Variants in EVI5L observed in about 807,000 individuals in gnomAD.
EVI5L encodes the protein ecotropic viral integration site 5 like.
Under a neutral mutation model 106.1 loss-of-function variants are expected in EVI5L, and 30 were observed. That is an observed-to-expected ratio of 0.28 (90% CI 0.21 to 0.38). The LOEUF is 0.38. EVI5L is among the 10% of genes least tolerant of loss of function. EVI5L has a pLI of 1.00. For synonymous variants in EVI5L, 489 were observed against 483.3 expected (o/e 1.01, Z -0.15); for missense variants, 809 against 1,098.0 (o/e 0.74, Z 3.72).
rs1181664571 is a variant in EVI5L, at chr19:7,856,861, C to T, written c.1201-231C>T. 5.8e-6 allele frequency: 4 copies of T among 691,442 alleles called. No individual in the cohort carries two copies. The African/African-American group carries it at 7.0e-5, about 12-fold the overall frequency. 42.8% of individuals were successfully genotyped at this position (691,442 alleles called of 1,614,324 possible). A position where few individuals can be genotyped will look rare whatever the true frequency, so the allele number is the denominator to read the frequency against. ...CCTCCCCCACAGCCGCGGGCACCCCCGACCTCCCCGCTCACACCGAACCCC... is the reference window on the plus strand; with the variant it reads ...CCTCCCCCACAGCCGCGGGCACCCCTGACCTCCCCGCTCACACCGAACCCC... On this transcript the variant is annotated intron_variant, in intron 11 of 19. Coordinates refer to ENST00000538904, the MANE Select transcript of EVI5L (RefSeq NM_001159944.3). This position sits in a 1 kb window ranked among gnomAD's most constrained non-coding sequence, Gnocchi z 6.6.
chr19:7,856,115 C>T lies in EVI5L; in HGVS notation c.1200+47C>T. The T allele has an allele frequency of 7.6e-7, 1 of 1,313,070 alleles. No individual in the cohort carries two copies. The highest frequency in any genetic ancestry group is 9.8e-7 in the Non-Finnish European group (1 of 1,020,414). 81.3% of individuals were successfully genotyped at this position (1,313,070 alleles called of 1,614,324 possible). ...AGGACATGGTCGCCATGGGGTGTGA[C>T]CCACCATGCGGGGCATGGCCGCTAA... On this transcript the variant is annotated intron_variant, in intron 11 of 19. Transcript: ENST00000538904. This position sits in a 1 kb window ranked among gnomAD's most constrained non-coding sequence, Gnocchi z 6.6.
intron 1 of EVI5L, among the ~76,000 whole-genome samples, chr19:7,838,133 G>A (rs1042352291): frequency 6.6e-6 from 1 of 151,282 alleles, no homozygotes; most frequent in African/African-American, 2.4e-5. Context: ...TTTTGAGACG[G>A]AGTCTCGCTC....
chr19:7,843,277 GGT>G (rs530397864), intron 1 of EVI5L, among the ~76,000 whole-genome samples: 84 of 144,162 alleles, frequency 5.8e-4, no homozygotes, highest in East Asian at 3.7e-3. Context: ...AATAGGCATG[GGT>G]GTGTGTGTCA....
Position 7,863,093 on chromosome 19 carries a change from G to A in EVI5L, c.2043+26G>A, listed in dbSNP as rs755701242. ...GTGATCGGCGGGGCCGGGGTCGGGG[G>A]GCGGGGGCGGGGGCAGGGCCCGGGG... On this transcript the variant is annotated intron_variant, in intron 18 of 19. Coordinates refer to ENST00000538904, the MANE Select transcript of EVI5L (RefSeq NM_001159944.3). The surrounding 1 kb of genome is among the most constrained non-coding windows in gnomAD (Gnocchi z 7.7). 1.4e-5 allele frequency: 11 copies of A among 762,278 alleles called. No homozygotes were observed. Among genetic ancestry groups the A allele is most frequent in the South Asian group, 3.1e-5 (2 of 64,922 alleles). The allele number at this position is 762,278 out of a possible 1,614,324, so 47.2% of individuals were successfully genotyped here.
chr19:7,851,382 C>CCG (rs1555693334), intron 6 of EVI5L, 52 bp from the exon 7 acceptor site: 1 of 1,576,550 alleles, frequency 6.3e-7, no homozygotes, highest in Non-Finnish European at 8.6e-7. Flanking sequence ...CAGCACCCCC[C>CCG]GGTGGGAGGG....
At chr19:7,843,578 A>C (rs1478008664) in intron 1 of EVI5L, among the ~76,000 whole-genome samples, 1 of 94,324 alleles carries the variant, frequency 1.1e-5, no homozygotes, top group African/African-American at 3.8e-5. Flanking sequence ...GAGTGTGAGA[A>C]TAGGCATGGG....
chr19:7,842,195 TGTG>T (rs1978634931), intron 1 of EVI5L, among the ~76,000 whole-genome samples: 1 of 66,882 alleles, frequency 1.5e-5, no homozygotes, highest in Admixed American at 1.9e-4. Flanking sequence ...GTGTGTGTGT[TGTG>T]TGTGCATGTA....
In EVI5L at chr19:7,863,287, C is replaced by G. The variant is rs778765993; in HGVS notation, c.2139+7C>G. The G allele has an allele frequency of 1.9e-6, 3 of 1,553,148 alleles. No individual in the cohort carries two copies. The African/African-American group carries it at 4.1e-5, about 21-fold the overall frequency. ...CGAGGAGCTGAAGGCCGAGGTGAGC[C>G]GGCGCGGGGATGCCGGGGACAGGCC... On this transcript the variant is annotated splice_region_variant and intron_variant, in intron 19 of 19. Coordinates refer to ENST00000538904, the MANE Select transcript of EVI5L (RefSeq NM_001159944.3). The surrounding 1 kb of genome is among the most constrained non-coding windows in gnomAD (Gnocchi z 7.7).
In EVI5L at chr19:7,863,667, C is replaced by T. The variant is rs1345803488; in HGVS notation, c.2383C>T (p.Leu795=). 3.9e-6 allele frequency: 6 copies of T among 1,531,292 alleles called. No homozygotes were observed. The highest frequency in any genetic ancestry group is 1.2e-5 in the South Asian group (1 of 82,812). 94.9% of individuals were successfully genotyped at this position (1,531,292 alleles called of 1,614,324 possible). ...CAGCTCAGACAGCGACGCCGATGAG[C>T]TGGCCGCGCCCTACAGCCAGGGTCT... ...EGSSDSDADE[L]AAPYSQGLDN Residue 795 remains leucine, a synonymous_variant, in exon 20 of 20, where the codon CTG becomes TTG. Coordinates refer to ENST00000538904, the MANE Select transcript of EVI5L (RefSeq NM_001159944.3). This position sits in a 1 kb window ranked among gnomAD's most constrained non-coding sequence, Gnocchi z 7.7.
At chr19:7,838,839 C>T (rs1370089327) in intron 1 of EVI5L, among the ~76,000 whole-genome samples, 3 of 151,884 alleles carry the variant, frequency 2.0e-5, no homozygotes. Flanking sequence ...GAAGTTTTCA[C>T]AGAAAGAATG....
At position 7,864,673 on chromosome 19, in the gene EVI5L, C is replaced by G. The variant is rs1980035429; in HGVS notation, c.*971C>G. On this transcript the variant is annotated 3_prime_UTR_variant, in exon 20 of 20. Coordinates refer to ENST00000538904, the MANE Select transcript of EVI5L (RefSeq NM_001159944.3). This position sits in a 1 kb window ranked among gnomAD's most constrained non-coding sequence, Gnocchi z 4.5. Reference sequence around the variant, plus strand: ...AAAATCCAACGATGCCCCCCAGGCCCCTTCCTCCCTTCCCCCGGCCCCCCG... The same window carrying G: ...AAAATCCAACGATGCCCCCCAGGCCGCTTCCTCCCTTCCCCCGGCCCCCCG... 6.6e-6 allele frequency: 1 copy of G among 152,316 alleles called. No homozygotes were observed. The highest frequency in any genetic ancestry group is 6.5e-5 in the Admixed American group (1 of 15,282). 9.4% of individuals were successfully genotyped at this position (152,316 alleles called of 1,614,324 possible).
Position 7,858,964 on chromosome 19 carries a change from G to A in EVI5L, c.1374+633G>A, listed in dbSNP as rs901525647. On this transcript the variant is annotated intron_variant, in intron 13 of 19. Transcript: ENST00000538904. The surrounding 1 kb of genome is among the most constrained non-coding windows in gnomAD (Gnocchi z 5.7). ...TCAGCACTTTGGGAGGCTGAGGCAGGTGGATCACCTGAGGTTAGGAGTTCG... is the reference window on the plus strand; with the variant it reads ...TCAGCACTTTGGGAGGCTGAGGCAGATGGATCACCTGAGGTTAGGAGTTCG... The A allele has an allele frequency of 6.6e-6, 1 of 152,308 alleles. No individual in the cohort carries two copies. The highest frequency in any genetic ancestry group is 1.5e-5 in the Non-Finnish European group (1 of 68,128). 9.4% of individuals were successfully genotyped at this position (152,308 alleles called of 1,614,324 possible). A position where few individuals can be genotyped will look rare whatever the true frequency, so the allele number is the denominator to read the frequency against.
intron 10 of EVI5L, 193 bp downstream of exon 10, chr19:7,853,526 C>G (rs1309905808): frequency 2.8e-6 from 2 of 709,104 alleles, no homozygotes; most frequent in Non-Finnish European, 4.6e-6. Flanking sequence ...CCTCCCCCGC[C>G]TGACGCCGCG....
chr19:7,846,794 C>T, intron 2 of EVI5L, 115 bp downstream of exon 2: 1 of 1,366,040 alleles, frequency 7.3e-7, no homozygotes, highest in Non-Finnish European at 9.8e-7. Flanking sequence ...ATGTGACAGC[C>T]ACCTCCAGAT....
chr19:7,851,953 C>G (rs953312882), intron 8 of EVI5L, among the ~76,000 whole-genome samples, 183 bp downstream of exon 8: 1 of 152,118 alleles, frequency 6.6e-6, no homozygotes, highest in African/African-American at 2.4e-5. Flanking sequence ...AGAGGACCCC[C>G]TAGGCTCTGC....
rs1001948068 is a variant in EVI5L at position 7,835,628 on chromosome 19, A to G, written c.-48+5247A>G. Reference sequence around the variant, plus strand: ...GGATAACAACCTACATTCCAAGGCCAGGGATATGGAAACTTCCAGAACCAT... The same window carrying G: ...GGATAACAACCTACATTCCAAGGCCGGGGATATGGAAACTTCCAGAACCAT... On this transcript the variant is annotated intron_variant, in intron 1 of 19. Transcript: ENST00000538904. This position sits in a 1 kb window ranked among gnomAD's most constrained non-coding sequence, Gnocchi z 4.1. Among the ~76,000 whole-genome samples, 1 of 152,230 alleles carries G rather than the reference A, an allele frequency of 6.6e-6. No individual in the cohort carries two copies.
At chr19:7,846,309 C>T (rs544381386) in intron 1 of EVI5L, among the ~76,000 whole-genome samples, 187 bp from the exon 2 acceptor site, 3 of 152,180 alleles carry the variant, frequency 2.0e-5, no homozygotes, top group Non-Finnish European at 2.9e-5. Flanking sequence ...GGATCCCAAT[C>T]GCCAGGGTCT....
intron 14 of EVI5L, among the ~76,000 whole-genome samples, chr19:7,860,961 G>C (rs1448549180): frequency 2.6e-5 from 4 of 152,192 alleles, no homozygotes; most frequent in African/African-American, 9.7e-5. Context: ...CAGGAAGGAA[G>C]GGAGGAGAGA....
At chr19:7,842,233 GGT>G (rs1978638368) in intron 1 of EVI5L, among the ~76,000 whole-genome samples, 2 of 150,786 alleles carry the variant, frequency 1.3e-5, no homozygotes, top group Admixed American at 6.6e-5. Flanking sequence ...AATATGCATA[GGT>G]GTGTGTGCAT....
Sources: gnomAD v4.1 joint callset for allele counts (sites outside exome capture counted in the v4.1 genomes callset) on GRCh38, gnomAD v4.1.1 for gene constraint, Gnocchi (gnomAD v3.1) non-coding constraint, MANE v1.5 for transcripts, NCBI Gene and HGNC (gene_info 2026-07-23, HGNC 2026-07-21) for gene names.